PHLPP1: variants seen among roughly 807,000 people sequenced by gnomAD.
PHLPP1 encodes PH domain and leucine rich repeat protein phosphatase 1.
PHLPP1 carries 42 observed loss-of-function variants against 117.2 expected under a neutral mutation model. That is an observed-to-expected ratio of 0.36 (90% CI 0.28 to 0.46). The LOEUF (loss-of-function observed/expected upper bound fraction) is 0.46, where lower values mean the gene tolerates loss of function less well. PHLPP1 is among the 20% of genes least tolerant of loss of function. The probability of loss-of-function intolerance (pLI) is 1.00; values close to 1 mark genes in which losing one functional copy is unlikely to be tolerated. For synonymous variants in PHLPP1, 1,042 were observed against 970.7 expected, an observed-to-expected ratio of 1.07 and a Z score of -1.37; for missense variants, 2,084 against 2,241.9, an observed-to-expected ratio of 0.93 and a Z score of 1.42.
At chr18:62,778,929 C>T (rs141996179) in intron 1 of PHLPP1, among the ~76,000 whole-genome samples, 58 of 152,274 alleles carry the variant, frequency 3.8e-4, no homozygotes, top group African/African-American at 1.3e-3. Context: ...CAAGGTTAGC[C>T]GTAGGCTTGT....
rs1299306959 is a variant in PHLPP1 at position 62,915,286 on chromosome 18, A to G, written c.2804+278A>G. Among the ~76,000 whole-genome samples the G allele has an allele frequency of 2.0e-5, 3 of 152,198 alleles. No homozygotes were observed. In the East Asian group the frequency reaches 5.8e-4, roughly 29 times the overall value. The stretch of plus-strand genomic sequence containing the variant: ...TAAGTAAGCCAAAAACAATCTTTGA[A>G]GCAAACAATATGATTGGCCCACTTC... On this transcript the variant is annotated intron_variant, in intron 9 of 16. Transcript: ENST00000262719.
intron 10 of PHLPP1, among the ~76,000 whole-genome samples, chr18:62,932,825 A>T (rs1909855969): frequency 6.6e-6 from 1 of 152,118 alleles, no homozygotes; most frequent in Non-Finnish European, 1.5e-5. Context: ...AAATCAAATT[A>T]TCCGTTCGTT....
chr18:62,721,778 G>C (rs1006581082), intron 1 of PHLPP1, among the ~76,000 whole-genome samples: 10 of 152,056 alleles, frequency 6.6e-5, no homozygotes, highest in Non-Finnish European at 1.5e-5. Flanking sequence ...TCTTTTGGTT[G>C]CTATAAGATT....
intron 2 of PHLPP1, among the ~76,000 whole-genome samples, chr18:62,835,030 GT>G (rs1483440136): frequency 6.6e-6 from 1 of 152,056 alleles, no homozygotes; most frequent in Admixed American, 6.6e-5. Flanking sequence ...CTTGCTAAAT[GT>G]TCTGGTTTAT....
intron 1 of PHLPP1, among the ~76,000 whole-genome samples, chr18:62,765,269 G>A (rs532392603): frequency 5.3e-4 from 81 of 152,178 alleles, no homozygotes; most frequent in Non-Finnish European, 1.1e-3. Flanking sequence ...TTGGATATCT[G>A]GTCATTCTCT....
rs372855540 is a variant in PHLPP1 at position 62,953,235 on chromosome 18, G to A, written c.3325-5394G>A. 3.5e-4 allele frequency among the ~76,000 whole-genome samples: 53 copies of A among 152,238 alleles called. 2 individuals are homozygous for A. The highest frequency in any genetic ancestry group is 3.3e-3 in the East Asian group (17 of 5,182). ...TGTAGACTACTTCTGTATGAGACAC[G>A]ATCTATAGGATCCACAGTTCATTAT... On this transcript the variant is annotated intron_variant, in intron 12 of 16. Transcript: ENST00000262719.
At chr18:62,853,130 A>AT (rs1160038425) in intron 3 of PHLPP1, among the ~76,000 whole-genome samples, 1 of 152,106 alleles carries the variant, frequency 6.6e-6, no homozygotes, top group African/African-American at 2.4e-5. Context: ...TCACATTAGC[A>AT]TTTTTTATAG....
chr18:62,924,795 G>T (rs1436786419), intron 10 of PHLPP1, among the ~76,000 whole-genome samples: 1 of 148,300 alleles, frequency 6.7e-6, no homozygotes, highest in Non-Finnish European at 1.5e-5. Context: ...CTCTGATCAC[G>T]CCACCTACAC....
At chr18:62,898,341 A>G (rs1916621787) in intron 6 of PHLPP1, among the ~76,000 whole-genome samples, 1 of 152,090 alleles carries the variant, frequency 6.6e-6, no homozygotes, top group African/African-American at 2.4e-5. Flanking sequence ...ACACCACCTC[A>G]TTGGTTTTCC....
At chr18:62,806,881 TAAAG>T (rs753825940) in intron 1 of PHLPP1, among the ~76,000 whole-genome samples, 1 of 152,156 alleles carries the variant, frequency 6.6e-6, no homozygotes, top group Non-Finnish European at 1.5e-5. Flanking sequence ...CTATAGGAGA[TAAAG>T]AGAGTCAGAA....
At chr18:62,756,010 G>A (rs1889834279) in intron 1 of PHLPP1, among the ~76,000 whole-genome samples, 1 of 145,428 alleles carries the variant, frequency 6.9e-6, no homozygotes, top group Non-Finnish European at 1.5e-5. Context: ...TGTGCCAAGT[G>A]AGAACACAGA....
At chr18:62,853,060 A>C (rs1041532241) in intron 3 of PHLPP1, among the ~76,000 whole-genome samples, 1 of 152,220 alleles carries the variant, frequency 6.6e-6, no homozygotes, top group African/African-American at 2.4e-5. Flanking sequence ...GAAAGTGTCA[A>C]GCTGAGTTAT....
intron 1 of PHLPP1, among the ~76,000 whole-genome samples, chr18:62,770,445 A>T (rs988408894): frequency 6.6e-6 from 1 of 152,228 alleles, no homozygotes; most frequent in East Asian, 1.9e-4. Flanking sequence ...GCAATCCAGT[A>T]ACAACCATAT....
At chr18:62,876,653 C>A (rs1425398525) in intron 4 of PHLPP1, among the ~76,000 whole-genome samples, 7 of 152,122 alleles carry the variant, frequency 4.6e-5, no homozygotes, top group Non-Finnish European at 1.0e-4. Context: ...GCAGCGGAAC[C>A]ATTTCTTGTA....
intron 4 of PHLPP1, among the ~76,000 whole-genome samples, chr18:62,882,558 C>T (rs1916195861): frequency 6.6e-6 from 1 of 152,172 alleles, no homozygotes; most frequent in Non-Finnish European, 1.5e-5. Context: ...CGCGCCCGGC[C>T]ATTCACTTAA....
At chr18:62,878,666 C>CTT (rs1916103374) in intron 4 of PHLPP1, among the ~76,000 whole-genome samples, 1 of 152,228 alleles carries the variant, frequency 6.6e-6, no homozygotes, top group South Asian at 2.1e-4. Flanking sequence ...CTGGTGATGT[C>CTT]TTTTGGACGT....
Position 62,860,566 on chromosome 18 carries a change from C to A in PHLPP1, c.2031C>A (p.Ser677Arg). 6.2e-7 allele frequency: 1 copy of A among 1,613,422 alleles called. No individual in the cohort carries two copies. Among genetic ancestry groups the A allele is most frequent in the African/African-American group, 1.3e-5 (1 of 75,022 alleles). Residue 677 changes from serine (S) to arginine (R), a missense_variant, in exon 4 of 17, where the codon AGC becomes AGA. Physicochemically the swap from Ser to Arg is moderately radical, Grantham distance 110. Coordinates refer to ENST00000262719, the MANE Select transcript of PHLPP1 (RefSeq NM_194449.4). ...LKQNFLRQNP[S>R]LPAARGLNEL... The stretch of plus-strand genomic sequence containing the variant: ...AAAACTTCCTAAGGCAGAACCCTAG[C>A]CTTCCAGCTGCCAGGGGGCTTAATG...
chr18:62,892,516 G>T (rs879496920), intron 4 of PHLPP1, among the ~76,000 whole-genome samples: 2 of 152,094 alleles, frequency 1.3e-5, no homozygotes, highest in African/African-American at 4.8e-5. Context: ...ACTGAAATAT[G>T]AGAGTGACAG....
At chr18:62,718,765 T>C (rs1461484694) in intron 1 of PHLPP1, among the ~76,000 whole-genome samples, 1 of 152,212 alleles carries the variant, frequency 6.6e-6, no homozygotes, top group East Asian at 1.9e-4. Context: ...GCCCTTTAAC[T>C]ACATGGAAGG....
Sources: gnomAD v4.1 joint callset for allele counts (sites outside exome capture counted in the v4.1 genomes callset) on GRCh38, gnomAD v4.1.1 for gene constraint, MANE v1.5 for transcripts, NCBI Gene and HGNC (gene_info 2026-07-23, HGNC 2026-07-21) for gene names.